The following ATP2C2 variants were observed in gnomAD, a reference collection of about 807,000 sequenced individuals.
ATP2C2 encodes calcium-transporting ATPase type 2C member 2.
ATP2C2 carries 171 observed loss-of-function variants against 110.8 expected under a neutral mutation model. That is an observed-to-expected ratio of 1.54 (90% CI 1.36 to 1.75). The LOEUF (loss-of-function observed/expected upper bound fraction) is 1.75, where lower values mean the gene tolerates loss of function less well. ATP2C2 is among the 40% of genes most tolerant of loss of function. ATP2C2 has a pLI of 0.00. For missense variants in ATP2C2, 1,963 were observed against 1,235.0 expected (o/e 1.59, Z -8.84); for synonymous variants, 804 against 508.4 (o/e 1.58, Z -7.82).
chr16:84,447,851 A>G (rs1909898373), intron 16 of ATP2C2, among the ~76,000 whole-genome samples: 1 of 142,320 alleles, frequency 7.0e-6, no homozygotes, highest in Non-Finnish European at 1.5e-5. Flanking sequence ...TTAATATTAT[A>G]TTTATTAATA....
chr16:84,435,458 T>A (rs1032263886), intron 11 of ATP2C2, among the ~76,000 whole-genome samples: 1 of 152,234 alleles, frequency 6.6e-6, no homozygotes, highest in Non-Finnish European at 1.5e-5. Context: ...AGCATTGTTA[T>A]ACCCCCTTCT....
chr16:84,434,727 A>G (rs1057288789), intron 11 of ATP2C2, among the ~76,000 whole-genome samples: 29 of 151,884 alleles, frequency 1.9e-4, no homozygotes, highest in African/African-American at 6.8e-4. Flanking sequence ...CACGTTGGCC[A>G]GGCTAGTCTC....
At chr16:84,424,418 C>T (rs1567714418) in intron 10 of ATP2C2, among the ~76,000 whole-genome samples, 1 of 152,158 alleles carries the variant, frequency 6.6e-6, no homozygotes, top group South Asian at 2.1e-4. Flanking sequence ...TCTGGGATTA[C>T]AGGCATGCAC....
At chr16:84,451,138 A>C (rs763123379) in intron 17 of ATP2C2, among the ~76,000 whole-genome samples, 1 of 152,188 alleles carries the variant, frequency 6.6e-6, no homozygotes, top group Non-Finnish European at 1.5e-5. Flanking sequence ...CAGAAGGTGA[A>C]AGGCACGTCT....
chr16:84,375,189 G>A (rs1910178397), intron 1 of ATP2C2, among the ~76,000 whole-genome samples: 1 of 152,214 alleles, frequency 6.6e-6, no homozygotes, highest in Admixed American at 6.5e-5. Flanking sequence ...AACAGATGCT[G>A]TAGAAGCATA....
chr16:84,403,213 C>A (rs1248197791), intron 2 of ATP2C2, among the ~76,000 whole-genome samples: 4 of 151,704 alleles, frequency 2.6e-5, no homozygotes, highest in East Asian at 1.9e-4. Flanking sequence ...GTTTTGTTTA[C>A]CTTTAAAAAA....
intron 11 of ATP2C2, among the ~76,000 whole-genome samples, chr16:84,428,400 G>A (rs34857393): frequency 0.3 from 45,601 of 152,178 alleles, 7,171 homozygotes; most frequent in Non-Finnish European, 0.35. Context: ...ATCAACATGT[G>A]GGCAGCTGTG....
At position 84,405,108 on chromosome 16, in the gene ATP2C2, T is replaced by C. The variant is rs1905641345; in HGVS notation, c.211-20T>C. The C allele has an allele frequency of 6.2e-7, 1 of 1,607,238 alleles. No individual in the cohort carries two copies. Among genetic ancestry groups the C allele is most frequent in the Admixed American group, 1.7e-5 (1 of 59,978 alleles). ...CTTGCTGCGCCCATGAGTGAGCTTG[T>C]GCCTGACCTCTCCTTCCAGGTGGAC... is the stretch of plus-strand genomic sequence containing the variant. On this transcript the variant is annotated intron_variant, in intron 2 of 26. Transcript: ENST00000262429.
At chr16:84,452,113 G>T (rs369234642) in intron 18 of ATP2C2, 22 bp downstream of exon 18, 7 of 1,613,328 alleles carry the variant, frequency 4.3e-6, no homozygotes, top group African/African-American at 1.3e-5. Context: ...AGGGTCGGGG[G>T]TGAGGACGAA....
rs1342830934 is a variant in ATP2C2 at position 84,459,658 on chromosome 16, C to G, written c.2333+272C>G. On this transcript the variant is annotated intron_variant, in intron 23 of 26. Transcript: ENST00000262429. ...CTCTGGGCAACCTGCATGGCTCATT[C>G]TCATGCTTCATTCCAGTCACCAGTC... The G allele has an allele frequency of 4.4e-6, 6 of 1,373,310 alleles. No homozygotes were observed. The Admixed American group carries it at 6.1e-5, about 14-fold the overall frequency. 85.1% of individuals were successfully genotyped at this position (1,373,310 alleles called of 1,614,324 possible). A position where few individuals can be genotyped will look rare whatever the true frequency, so the allele number is the denominator to read the frequency against.
At chr16:84,379,387 A>C (rs1910442560) in intron 1 of ATP2C2, among the ~76,000 whole-genome samples, 1 of 152,052 alleles carries the variant, frequency 6.6e-6, no homozygotes, top group South Asian at 2.1e-4. Context: ...GCTGGTCTTG[A>C]ACTCCTGGGC....
intron 13 of ATP2C2, 75 bp downstream of exon 13, chr16:84,439,599 A>C: frequency 7.6e-7 from 1 of 1,317,488 alleles, no homozygotes. Context: ...TAAGCACACA[A>C]TGTCTTCTAG....
At chr16:84,455,023 G>T (rs765496460) in intron 21 of ATP2C2, 39 bp downstream of exon 21, 3 of 1,553,264 alleles carry the variant, frequency 1.9e-6, no homozygotes, top group Non-Finnish European at 2.6e-6. Flanking sequence ...TTGCAAAAAT[G>T]CCTGGGGTCA....
chr16:84,382,077 C>T (rs1001109802), intron 1 of ATP2C2, among the ~76,000 whole-genome samples: 1 of 152,172 alleles, frequency 6.6e-6, no homozygotes, highest in Non-Finnish European at 1.5e-5. Context: ...TGGTGGTTTG[C>T]TGCACCCATC....
rs192700576 is a variant in ATP2C2, at chr16:84,414,744, C to A, written c.516-739C>A. Among the ~76,000 whole-genome samples, 542 of 152,258 alleles carry A rather than the reference C, an allele frequency of 3.6e-3. 4 individuals carry two copies. The highest frequency in any genetic ancestry group is 6.2e-3 in the Non-Finnish European group (420 of 68,026). ...CAAAGCCCCTGAGGCCAGAAGGAGC[C>A]TGTGCGTTTAAGGGGGCTGGATGGA... On this transcript the variant is annotated intron_variant, in intron 6 of 26. Transcript: ENST00000262429.
intron 11 of ATP2C2, among the ~76,000 whole-genome samples, chr16:84,431,489 C>G (rs941517734): frequency 6.6e-6 from 1 of 151,944 alleles, no homozygotes; most frequent in Admixed American, 6.6e-5. Flanking sequence ...GAGCAAAACT[C>G]TGTCTCAAGA....
intron 1 of ATP2C2, among the ~76,000 whole-genome samples, chr16:84,375,906 A>G (rs1910222890): frequency 6.6e-6 from 1 of 152,022 alleles, no homozygotes; most frequent in Admixed American, 6.6e-5. Context: ...AAAGAAGGGG[A>G]GAGAAAGGAT....
chr16:84,432,696 T>C (rs1428563701), intron 11 of ATP2C2, among the ~76,000 whole-genome samples: 3 of 152,058 alleles, frequency 2.0e-5, no homozygotes, highest in Non-Finnish European at 2.9e-5. Flanking sequence ...AATTTTTGTA[T>C]TTTTAATAGA....
At chr16:84,425,609 G>C (rs1907739164) in intron 10 of ATP2C2, 126 bp from the exon 11 acceptor site, 1 of 1,032,234 alleles carries the variant, frequency 9.7e-7, no homozygotes, top group African/African-American at 1.6e-5. Context: ...GAAAGTGGTT[G>C]AGGTTATCAG....
Sources: gnomAD v4.1 joint callset for allele counts (sites outside exome capture counted in the v4.1 genomes callset) on GRCh38, gnomAD v4.1.1 for gene constraint, MANE v1.5 for transcripts, NCBI Gene and HGNC (gene_info 2026-07-23, HGNC 2026-07-21) for gene names.